KIFC2: variants seen among roughly 807,000 people sequenced by gnomAD.
KIFC2 encodes the protein kinesin family member C2, also known as kinesin-like protein KIFC2.
KIFC2 carries 94 observed loss-of-function variants against 91.5 expected under a neutral mutation model. The observed-to-expected ratio is 1.03, with a 90% CI of 0.87 to 1.22. KIFC2 has a LOEUF of 1.22. Ranked by LOEUF, KIFC2 falls within the 50% of genes most tolerant of loss-of-function variation. The pLI is 0.00. For synonymous variants in KIFC2, 729 were observed against 503.9 expected (o/e 1.45, Z -5.98); for missense variants, 1,357 against 1,103.3 (o/e 1.23, Z -3.26).
At position 144,472,355 on chromosome 8, in the gene KIFC2, C is replaced by T. The variant is rs1454166633; in HGVS notation, c.1608-6C>T. On this transcript the variant is annotated splice_polypyrimidine_tract_variant and splice_region_variant and intron_variant, in intron 14 of 17. Coordinates refer to ENST00000645548, the MANE Select transcript of KIFC2 (RefSeq NM_001369769.2). ...CTGGAACCAAGACCTTCCCCTTTCT[C>T]ACCAGGGACCTCCTTGCTCCAGGGC... is the stretch of plus-strand genomic sequence containing the variant. 4 of 1,613,384 alleles carry T rather than the reference C, an allele frequency of 2.5e-6. No homozygotes were observed. The highest frequency in any genetic ancestry group is 3.4e-6 in the Non-Finnish European group (4 of 1,180,006).
intron 8 of KIFC2, 34 bp downstream of exon 8, chr8:144,468,440 G>A: frequency 6.2e-7 from 1 of 1,605,902 alleles, no homozygotes; most frequent in South Asian, 1.1e-5. Context: ...ATGGCTCAGG[G>A]GTGAGGCGGG....
At position 144,473,308 on chromosome 8, in the gene KIFC2, G is replaced by A. The variant is rs1401877993; in HGVS notation, c.2295G>A (p.Pro765=). 1.2e-6 allele frequency: 2 copies of A among 1,602,964 alleles called. No homozygotes were observed. Among genetic ancestry groups the A allele is most frequent in the African/African-American group, 1.3e-5 (1 of 74,590 alleles). ...PLTGTPCTPT[P]SPGSPPCPSP... ...CCGGGACCCCCTGCACCCCTACGCC[G>A]TCCCCTGGCAGTCCTCCATGCCCCA... Residue 765 remains proline (P), a synonymous_variant, in exon 18 of 18, where the codon CCG becomes CCA. Coordinates refer to ENST00000645548, the MANE Select transcript of KIFC2 (RefSeq NM_001369769.2).
intron 11 of KIFC2, 44 bp from the exon 12 acceptor site, chr8:144,469,446 T>C: frequency 2.5e-6 from 4 of 1,613,522 alleles, no homozygotes; most frequent in Non-Finnish European, 3.4e-6. Flanking sequence ...TTCTCTGTGC[T>C]TTAGGGTCTG....
rs1434093843 is a variant in KIFC2, at chr8:144,467,863, C to T, written c.686C>T (p.Ala229Val). 1.9e-6 allele frequency: 3 copies of T among 1,613,204 alleles called. No homozygotes were observed. Among genetic ancestry groups the T allele is most frequent in the Admixed American group, 1.7e-5 (1 of 59,916 alleles). Residue 229 changes from alanine (A) to valine (V), a missense_variant, in exon 7 of 18, where the codon GCG becomes GTG. Transcript: ENST00000645548. ...CCGAGGTTTCCTCTCCACCAGGGGGCGACGGACTCAGAGAAAAGGGTTCAG... is the reference window on the plus strand; with the variant it reads ...CCGAGGTTTCCTCTCCACCAGGGGGTGACGGACTCAGAGAAAAGGGTTCAG... ...ELGRLRLGVG[A>V]TDSEKRVQHL...
chr8:144,472,340 G>A (rs1824960108), intron 14 of KIFC2, 21 bp from the exon 15 acceptor site: 2 of 1,613,490 alleles, frequency 1.2e-6, no homozygotes, highest in Non-Finnish European at 1.7e-6. Context: ...CTGGAACCAA[G>A]ACCTTCCCCT....
In KIFC2 at chr8:144,468,635, C is replaced by T. The variant is rs371210199; in HGVS notation, c.988C>T (p.His330Tyr). 3.1e-6 allele frequency: 5 copies of T among 1,613,474 alleles called. No individual in the cohort carries two copies. The highest frequency in any genetic ancestry group is 1.1e-5 in the South Asian group (1 of 91,056). Residue 330 changes from histidine (H) to tyrosine (Y), a missense_variant, in exon 9 of 18, where the codon CAT becomes TAT. His to Tyr is a moderately conservative substitution (Grantham distance 83). Coordinates refer to ENST00000645548, the MANE Select transcript of KIFC2 (RefSeq NM_001369769.2). ...CTGCAGGCGTGAGCTACAGCAGATGCATGGGCAGCTGGCAGGTAAGGGTTG... is the reference window on the plus strand; with the variant it reads ...CTGCAGGCGTGAGCTACAGCAGATGTATGGGCAGCTGGCAGGTAAGGGTTG... ...QNCRRELQQM[H>Y]GQLAGLRARM...
At position 144,473,651 on chromosome 8, in the gene KIFC2, G is replaced by A; in HGVS notation, c.*262G>A. On this transcript the variant is annotated 3_prime_UTR_variant, in exon 18 of 18. Transcript: ENST00000645548. ...CCTTATCACCATTTGCTGTTATCAC[G>A]GCACACAGCAGGGAATCCCAGGCCC... 3 of 509,890 alleles carry A rather than the reference G, an allele frequency of 5.9e-6. No individual in the cohort carries two copies. The highest frequency in any genetic ancestry group is 9.9e-6 in the Non-Finnish European group (3 of 302,770). 31.6% of individuals were successfully genotyped at this position (509,890 alleles called of 1,614,324 possible). A position where few individuals can be genotyped will look rare whatever the true frequency, so the allele number is the denominator to read the frequency against.
In KIFC2 at chr8:144,467,491, C is replaced by T; in HGVS notation, c.476C>T (p.Thr159Ile). The change falls in exon 5 of 18, where the codon ACA (threonine) becomes ATA (isoleucine). Residue 159 changes from threonine to isoleucine, a missense_variant. Physicochemically the swap from Thr to Ile is moderately conservative, Grantham distance 89. Transcript: ENST00000645548. ...RVRPPSPDGS[T>I]SQEESPSHFT... is the part of the protein sequence containing the mutation. Reference sequence around the variant, plus strand: ...TGGGCCCACCCTACTCCAGGATCCACATCCCAAGAAGAAAGCCCTTCCCAC... The same window carrying T: ...TGGGCCCACCCTACTCCAGGATCCATATCCCAAGAAGAAAGCCCTTCCCAC... 2 of 1,567,742 alleles carry T rather than the reference C, an allele frequency of 1.3e-6. No homozygotes were observed. The highest frequency in any genetic ancestry group is 1.7e-4 in the Middle Eastern group (1 of 5,824).
At position 144,473,640 on chromosome 8, in the gene KIFC2, G is replaced by A. The variant is rs1424173114; in HGVS notation, c.*251G>A. The stretch of plus-strand genomic sequence containing the variant: ...CTTGGCTTTCTCCTTATCACCATTT[G>A]CTGTTATCACGGCACACAGCAGGGA... On this transcript the variant is annotated 3_prime_UTR_variant, in exon 18 of 18. Coordinates refer to ENST00000645548, the MANE Select transcript of KIFC2 (RefSeq NM_001369769.2). 4 of 528,504 alleles carry A rather than the reference G, an allele frequency of 7.6e-6. No homozygotes were observed. Among genetic ancestry groups the A allele is most frequent in the Non-Finnish European group, 1.3e-5 (4 of 317,334 alleles). 32.7% of individuals were successfully genotyped at this position (528,504 alleles called of 1,614,324 possible). A position where few individuals can be genotyped will look rare whatever the true frequency, so the allele number is the denominator to read the frequency against.
Position 144,473,297 on chromosome 8 carries a change from A to T in KIFC2, c.2284A>T (p.Thr762Ser), listed in dbSNP as rs143532599. The part of the protein sequence containing the change: ...TDTPLTGTPC[T>S]PTPSPGSPPC... ...CACTCCGCTCACCGGGACCCCCTGC[A>T]CCCCTACGCCGTCCCCTGGCAGTCC... Residue 762 changes from threonine to serine, a missense_variant, in exon 18 of 18, where the codon ACC becomes TCC. Physicochemically the swap from Thr to Ser is moderately conservative, Grantham distance 58. Transcript: ENST00000645548. The T allele has an allele frequency of 1.1e-4, 178 of 1,604,314 alleles. No homozygotes were observed. Among genetic ancestry groups the T allele is most frequent in the Middle Eastern group, 3.3e-4 (2 of 6,056 alleles).
intron 12 of KIFC2, among the ~76,000 whole-genome samples, chr8:144,471,255 G>T (rs1263012114): frequency 6.6e-6 from 1 of 151,344 alleles, no homozygotes; most frequent in Non-Finnish European, 1.5e-5. Flanking sequence ...GAGCCACCTC[G>T]CCCAGCCCAT....
intron 7 of KIFC2, 135 bp downstream of exon 7, chr8:144,468,122 GCCAATGGGAAGAC>G: frequency 8.1e-7 from 1 of 1,228,570 alleles, no homozygotes; most frequent in South Asian, 1.6e-5. Flanking sequence ...GGAGGCTGAT[GCCAATGGGAAGAC>G]CCCCCTCTCC....
chr8:144,469,692 C>A, intron 12 of KIFC2, 45 bp downstream of exon 12: 2 of 1,534,824 alleles, frequency 1.3e-6, no homozygotes, highest in Non-Finnish European at 1.7e-6. Context: ...TTTCAGAGTT[C>A]CCTGAAGAGC....
chr8:144,472,033 C>T lies in KIFC2; in HGVS notation c.1472C>T (p.Thr491Ile), dbSNP rs769620214. The T allele has an allele frequency of 6.2e-7, 1 of 1,613,486 alleles. No individual in the cohort carries two copies. The highest frequency in any genetic ancestry group is 8.5e-7 in the Non-Finnish European group (1 of 1,180,002). ...FTYGQTGTGKTYSMEGPPEDP... is the reference protein window; with the variant it reads ...FTYGQTGTGKIYSMEGPPEDP... ...TATGGCCAGACAGGCACCGGGAAGA[C>T]CTACAGCATGGAGGTGGGACAGAGC... The change falls in exon 13 of 18, where the codon ACC (threonine) becomes ATC (isoleucine). Residue 491 changes from threonine to isoleucine, a missense_variant. Transcript: ENST00000645548.
Position 144,474,046 on chromosome 8 carries a change from C to G in KIFC2, c.*657C>G. ...TGTAGGAAAAACAGGCATGACAGAC[C>G]AGGGTGAGGGTTGTGCCCAGCTGGG... On this transcript the variant is annotated 3_prime_UTR_variant, in exon 18 of 18. Transcript: ENST00000645548. 1.7e-6 allele frequency: 1 copy of G among 589,814 alleles called. No individual in the cohort carries two copies. The highest frequency in any genetic ancestry group is 1.9e-5 in the African/African-American group (1 of 53,876). The allele number at this position is 589,814 out of a possible 1,614,324, so 36.5% of individuals were successfully genotyped here. A position where few individuals can be genotyped will look rare whatever the true frequency, so the allele number is the denominator to read the frequency against.
In KIFC2 at chr8:144,466,771, G is replaced by A; in HGVS notation, c.111G>A (p.Lys37=). The stretch of plus-strand genomic sequence containing the variant: ...TGCCCCCTCCCTAGAGAGCCCGCAA[G>A]CCCCGGGGTCGCCGGCGCCCAGACC... ...EPGDPAQRAR[K]PRGRRRPDLP... The change falls in exon 2 of 18, where the codon AAG becomes AAA. Residue 37 remains lysine (K), a synonymous_variant. Coordinates refer to ENST00000645548, the MANE Select transcript of KIFC2 (RefSeq NM_001369769.2). 3 of 1,532,110 alleles carry A rather than the reference G, an allele frequency of 2.0e-6. No individual in the cohort carries two copies. The highest frequency in any genetic ancestry group is 2.6e-6 in the Non-Finnish European group (3 of 1,146,324). The allele number at this position is 1,532,110 out of a possible 1,614,324, so 94.9% of individuals were successfully genotyped here. A position where few individuals can be genotyped will look rare whatever the true frequency, so the allele number is the denominator to read the frequency against.
chr8:144,467,708 C>T lies in KIFC2; in HGVS notation c.616-6C>T, dbSNP rs373237235. The T allele has an allele frequency of 1.6e-4, 266 of 1,613,688 alleles. No individual in the cohort carries two copies. The highest frequency in any genetic ancestry group is 1.3e-3 in the South Asian group (114 of 91,042). On this transcript the variant is annotated splice_region_variant and splice_polypyrimidine_tract_variant and intron_variant, in intron 5 of 17. Transcript: ENST00000645548. Reference sequence around the variant, plus strand: ...GGTCCACCCTGTCTCTCTTACTTCTCCCCAGCTGGAGGAGCTGAAGCAGCA... The same window carrying T: ...GGTCCACCCTGTCTCTCTTACTTCTTCCCAGCTGGAGGAGCTGAAGCAGCA...
intron 14 of KIFC2, 23 bp from the exon 15 acceptor site, chr8:144,472,338 A>C (rs1332639617): frequency 1.2e-6 from 2 of 1,613,456 alleles, no homozygotes; most frequent in Non-Finnish European, 1.7e-6. Flanking sequence ...TTCTGGAACC[A>C]AGACCTTCCC....
At position 144,472,840 on chromosome 8, in the gene KIFC2, A is replaced by C. The variant is rs763381461; in HGVS notation, c.1907A>C (p.Lys636Thr). The C allele has an allele frequency of 1.9e-6, 3 of 1,562,796 alleles. No homozygotes were observed. The South Asian group carries it at 3.4e-5, about 18-fold the overall frequency. Residue 636 changes from lysine (K) to threonine (T), a missense_variant, in exon 17 of 18, where the codon AAG (lysine) becomes ACG (threonine). Coordinates refer to ENST00000645548, the MANE Select transcript of KIFC2 (RefSeq NM_001369769.2). ...CTGGCGGGATCCGAACGCGCACGGA[A>C]GGCAGGGGCGGCCGGCCCGCCGCGG... The part of the protein sequence containing the change: ...VDLAGSERAR[K>T]AGAAGPPRGD...
Sources: gnomAD v4.1 joint callset for allele counts (sites outside exome capture counted in the v4.1 genomes callset) on GRCh38, gnomAD v4.1.1 for gene constraint, MANE v1.5 for transcripts, NCBI Gene and HGNC (gene_info 2026-07-23, HGNC 2026-07-21) for gene names.